Variants in TENM2 observed in about 807,000 individuals in gnomAD.
TENM2 encodes the protein teneurin-2.
Under a neutral mutation model 245.2 loss-of-function variants are expected in TENM2, and 52 were observed. That is an observed-to-expected ratio of 0.21 (90% CI 0.17 to 0.27). The LOEUF (loss-of-function observed/expected upper bound fraction) is 0.27. Ranked by LOEUF, TENM2 falls within the 10% of genes least tolerant of loss-of-function variation. The pLI is 1.00. For synonymous variants in TENM2, 1,363 were observed against 1,438.9 expected, an observed-to-expected ratio of 0.95 and a Z score of 1.19; for missense variants, 3,046 against 3,666.8, an observed-to-expected ratio of 0.83 and a Z score of 4.37.
At chr5:167,883,610 G>A (rs902661525) in intron 3 of TENM2, among the ~76,000 whole-genome samples, 41 of 152,180 alleles carry the variant, frequency 2.7e-4, no homozygotes, top group African/African-American at 9.4e-4. Flanking sequence ...AGGGTCGATA[G>A]GCATTGTGTA....
At chr5:167,118,588 G>T in the TENM2 span, among the ~76,000 whole-genome samples, 20 of 152,154 alleles carry the variant, frequency 1.3e-4, no homozygotes, top group Admixed American at 2.0e-4. Flanking sequence ...ACAATTTATT[G>T]ATCAAAGAAA....
intron 2 of TENM2, among the ~76,000 whole-genome samples, chr5:167,515,943 TTCTG>T (rs1331262399): frequency 1.3e-5 from 2 of 152,118 alleles, no homozygotes; most frequent in East Asian, 3.9e-4. Context: ...CATGTAAAAG[TTCTG>T]TCTATTTGAT....
intron 3 of TENM2, among the ~76,000 whole-genome samples, chr5:167,891,665 C>T (rs76544322): frequency 0.013 from 2,040 of 152,250 alleles, 41 homozygotes; most frequent in African/African-American, 0.047. Context: ...GAGATCACCT[C>T]ACCTCTGGCT....
chr5:167,248,377 C>CT, the TENM2 span, among the ~76,000 whole-genome samples: 1 of 152,254 alleles, frequency 6.6e-6, no homozygotes, highest in South Asian at 2.1e-4. Context: ...TCTCAAACTC[C>CT]ACTGTGTGTT....
chr5:167,254,841 C>T, the TENM2 span, among the ~76,000 whole-genome samples: 1 of 151,974 alleles, frequency 6.6e-6, no homozygotes, highest in South Asian at 2.1e-4. Flanking sequence ...TGAGGACAGA[C>T]CCTTTTAGGA....
At chr5:167,104,902 G>A in the TENM2 span, among the ~76,000 whole-genome samples, 1 of 152,190 alleles carries the variant, frequency 6.6e-6, no homozygotes, top group African/African-American at 2.4e-5. Flanking sequence ...TCTACTGAAT[G>A]TGATGGAATA....
intron 2 of TENM2, among the ~76,000 whole-genome samples, chr5:167,784,761 G>C (rs893351058): frequency 2.0e-5 from 3 of 152,180 alleles, no homozygotes; most frequent in Non-Finnish European, 4.4e-5. Context: ...AAGGTTAAAA[G>C]GAATGTCATC....
At chr5:167,933,132 T>C (rs1778414395) in intron 3 of TENM2, among the ~76,000 whole-genome samples, 1 of 152,208 alleles carries the variant, frequency 6.6e-6, no homozygotes, top group Non-Finnish European at 1.5e-5. Flanking sequence ...AACTTTGACT[T>C]TCTGGGCGAT....
At chr5:168,128,091 A>G (rs1795983625) in intron 12 of TENM2, among the ~76,000 whole-genome samples, 1 of 152,104 alleles carries the variant, frequency 6.6e-6, no homozygotes, top group African/African-American at 2.4e-5. Context: ...TCTGTATTCG[A>G]TTTCTTCCGG....
At chr5:167,204,957 T>A in the TENM2 span, among the ~76,000 whole-genome samples, 1 of 152,228 alleles carries the variant, frequency 6.6e-6, no homozygotes, top group Non-Finnish European at 1.5e-5. Flanking sequence ...TTGACTCATA[T>A]CTTGAGCTCC....
At chr5:167,574,035 C>G (rs1582426147) in intron 2 of TENM2, 2 of 152,214 alleles carry the variant, frequency 1.3e-5, no homozygotes, top group South Asian at 4.2e-4. Context: ...AGGTAAGCGC[C>G]GATCGGAGGG....
At chr5:167,068,489 C>T in the TENM2 span, among the ~76,000 whole-genome samples, 13 of 152,156 alleles carry the variant, frequency 8.5e-5, no homozygotes. Context: ...CCTGAGATAC[C>T]AAACCTTATC....
chr5:167,370,957 C>T (rs77666255), intron 1 of TENM2, among the ~76,000 whole-genome samples: 1 of 152,280 alleles, frequency 6.6e-6, no homozygotes, highest in East Asian at 1.9e-4. Flanking sequence ...AAATCAGTCT[C>T]CCATCGATGA....
chr5:167,802,447 G>A (rs958948322), intron 2 of TENM2, among the ~76,000 whole-genome samples: 15 of 152,152 alleles, frequency 9.9e-5, no homozygotes, highest in African/African-American at 3.1e-4. Flanking sequence ...AGCTGATGAT[G>A]TACAATAACC....
intron 10 of TENM2, among the ~76,000 whole-genome samples, chr5:168,119,278 A>C (rs1003453550): frequency 6.6e-6 from 1 of 152,212 alleles, no homozygotes; most frequent in African/African-American, 2.4e-5. Flanking sequence ...TAATAAACTG[A>C]ATCTAATCTG....
At chr5:168,036,363 G>A (rs1280242842) in intron 5 of TENM2, among the ~76,000 whole-genome samples, 4 of 152,266 alleles carry the variant, frequency 2.6e-5, no homozygotes, top group East Asian at 1.9e-4. Context: ...TGGGATGGGC[G>A]TGGTGGCTCA....
exon 7 of TENM2, chr5:168,062,247 T>C: frequency 1.2e-6 from 2 of 1,613,664 alleles, no homozygotes; most frequent in Non-Finnish European, 8.5e-7. Flanking sequence ...GAAGAGGACT[T>C]CCACCATCTC....
chr5:167,185,818 G>C, the TENM2 span, among the ~76,000 whole-genome samples: 2 of 151,890 alleles, frequency 1.3e-5, no homozygotes, highest in Non-Finnish European at 1.5e-5. Flanking sequence ...GTGTCTTTGC[G>C]GGGACAGGAG....
At chr5:167,099,410 A>G in the TENM2 span, among the ~76,000 whole-genome samples, 1 of 152,188 alleles carries the variant, frequency 6.6e-6, no homozygotes. Flanking sequence ...AATACAATAA[A>G]ACAGGCCGGG....
Sources: gnomAD v4.1 joint callset for allele counts (sites outside exome capture counted in the v4.1 genomes callset) on GRCh38, gnomAD v4.1.1 for gene constraint, MANE v1.5 for transcripts, NCBI Gene and HGNC (gene_info 2026-07-23, HGNC 2026-07-21) for gene names.